Variants in CHST11 observed in about 807,000 individuals in gnomAD.
The protein encoded by CHST11 is C4S-1.
A neutral mutation model predicts 30.4 loss-of-function variants in CHST11; 9 were observed. The observed-to-expected ratio is 0.30, with a 90% confidence interval of 0.18 to 0.52. The LOEUF (loss-of-function observed/expected upper bound fraction) is 0.52, where lower values mean the gene tolerates loss of function less well. Ranked by LOEUF, CHST11 falls within the 20% of genes least tolerant of loss-of-function variation. CHST11 has a pLI of 0.97. For missense variants in CHST11, 348 were observed against 460.6 expected, an observed-to-expected ratio of 0.76 and a Z score of 2.24; for synonymous variants, 152 against 187.8, an observed-to-expected ratio of 0.81 and a Z score of 1.56.
chr12:104,463,731 T>C (rs1179533471), intron 1 of CHST11, among the ~76,000 whole-genome samples: 1 of 152,136 alleles, frequency 6.6e-6, no homozygotes, highest in Admixed American at 6.5e-5. Flanking sequence ...AATTAGGGAA[T>C]GTCATTGATA....
At chr12:104,598,871 T>C (rs1174261646) in intron 1 of CHST11, among the ~76,000 whole-genome samples, 1 of 150,524 alleles carries the variant, frequency 6.6e-6, no homozygotes, top group Non-Finnish European at 1.5e-5. Flanking sequence ...TGTATCCTCG[T>C]GGCCAGCTGG....
At chr12:104,721,975 T>C (rs908164574) in intron 2 of CHST11, among the ~76,000 whole-genome samples, 12 of 152,208 alleles carry the variant, frequency 7.9e-5, no homozygotes, top group African/African-American at 2.9e-4. Context: ...GGTTTGTTGT[T>C]GTTTGCCTGT....
chr12:104,685,344 G>A (rs1012109134), intron 2 of CHST11, among the ~76,000 whole-genome samples: 2 of 152,132 alleles, frequency 1.3e-5, no homozygotes, highest in African/African-American at 4.8e-5. Flanking sequence ...AGGTTGTTTG[G>A]TATAAGAAAC....
At chr12:104,674,718 T>G (rs2039724698) in intron 2 of CHST11, among the ~76,000 whole-genome samples, 1 of 152,236 alleles carries the variant, frequency 6.6e-6, no homozygotes, top group Non-Finnish European at 1.5e-5. Flanking sequence ...TTAGACTTTT[T>G]TTTTTCAGCC....
chr12:104,701,890 C>T (rs1202502785), intron 2 of CHST11, among the ~76,000 whole-genome samples: 1 of 152,184 alleles, frequency 6.6e-6, no homozygotes, highest in African/African-American at 2.4e-5. Flanking sequence ...GTGTTCCCCT[C>T]CTGCCAGTAT....
At chr12:104,552,174 C>T (rs957330336) in intron 1 of CHST11, 1 of 152,230 alleles carries the variant, frequency 6.6e-6, no homozygotes, top group Non-Finnish European at 1.5e-5. Context: ...GGGACCATAC[C>T]TCTACTCAGA....
intron 1 of CHST11, among the ~76,000 whole-genome samples, chr12:104,501,346 G>T (rs1312414614): frequency 1.3e-5 from 2 of 152,162 alleles, no homozygotes; most frequent in Non-Finnish European, 2.9e-5. Context: ...CTGGGATCCA[G>T]GAAGTAACAA....
chr12:104,500,838 G>A (rs2037846556), intron 1 of CHST11, among the ~76,000 whole-genome samples: 1 of 152,162 alleles, frequency 6.6e-6, no homozygotes, highest in Non-Finnish European at 1.5e-5. Context: ...TAGTGGAAAT[G>A]AACTATTGCG....
At chr12:104,576,639 C>G (rs2038686234) in intron 1 of CHST11, among the ~76,000 whole-genome samples, 1 of 152,198 alleles carries the variant, frequency 6.6e-6, no homozygotes, top group South Asian at 2.1e-4. Flanking sequence ...AGTCTCTGGT[C>G]ATTTCCAAAG....
rs1253160828 is a variant in CHST11, at chr12:104,757,916, G to A, written c.*113G>A. Reference sequence around the variant, plus strand: ...AAATTAATATTTCTTTGGGGATGATGCTGCGAGCAGCATAGTGAGAATTAT... The same window carrying A: ...AAATTAATATTTCTTTGGGGATGATACTGCGAGCAGCATAGTGAGAATTAT... On this transcript the variant is annotated 3_prime_UTR_variant, in exon 3 of 3. Coordinates refer to ENST00000303694, the MANE Select transcript of CHST11 (RefSeq NM_018413.6). The surrounding 1 kb of genome is among the most constrained non-coding windows in gnomAD (Gnocchi z 6.5). 1.8e-6 allele frequency: 2 copies of A among 1,117,602 alleles called. No homozygotes were observed. Among genetic ancestry groups the A allele is most frequent in the Non-Finnish European group, 2.5e-6 (2 of 798,156 alleles). 69.2% of individuals were successfully genotyped at this position (1,117,602 alleles called of 1,614,324 possible).
intron 2 of CHST11, among the ~76,000 whole-genome samples, chr12:104,694,411 G>A (rs1431893674): frequency 6.6e-6 from 1 of 152,150 alleles, no homozygotes; most frequent in African/African-American, 2.4e-5. Context: ...CCTGCACTGG[G>A]CGCTGCACCA....
chr12:104,556,191 A>G (rs1565985543), intron 1 of CHST11, among the ~76,000 whole-genome samples: 1 of 151,870 alleles, frequency 6.6e-6, no homozygotes, highest in African/African-American at 2.4e-5. Flanking sequence ...TATTATCTCT[A>G]ACATCTAAGA....
chr12:104,731,630 A>AGTCTT (rs1427920728), intron 2 of CHST11, among the ~76,000 whole-genome samples: 1 of 151,982 alleles, frequency 6.6e-6, no homozygotes, highest in Non-Finnish European at 1.5e-5. Flanking sequence ...GGGACCACGG[A>AGTCTT]CTCAGCCTCT....
At chr12:104,511,588 G>T (rs1397667507) in intron 1 of CHST11, among the ~76,000 whole-genome samples, 1 of 152,208 alleles carries the variant, frequency 6.6e-6, no homozygotes, top group South Asian at 2.1e-4. Context: ...GCTAGGTCAT[G>T]AAATCGTTTA....
At chr12:104,599,010 G>A (rs1331756217) in intron 1 of CHST11, among the ~76,000 whole-genome samples, 5 of 152,216 alleles carry the variant, frequency 3.3e-5, no homozygotes, top group Admixed American at 6.5e-5. Flanking sequence ...TAAGGGAGGC[G>A]CGGAGGGGTT....
intron 1 of CHST11, among the ~76,000 whole-genome samples, chr12:104,550,762 C>T (rs774781564): frequency 1.3e-5 from 2 of 152,168 alleles, no homozygotes; most frequent in East Asian, 1.9e-4. Flanking sequence ...AAAGGGACAG[C>T]GAACTCCTTC....
chr12:104,589,410 A>C (rs1346970293), intron 1 of CHST11, among the ~76,000 whole-genome samples: 1 of 151,744 alleles, frequency 6.6e-6, no homozygotes, highest in African/African-American at 2.4e-5. Flanking sequence ...CAAAAAAAAA[A>C]AAAAAAAAAT....
chr12:104,488,292 C>G (rs906813943), intron 1 of CHST11, among the ~76,000 whole-genome samples: 1 of 152,068 alleles, frequency 6.6e-6, no homozygotes, highest in South Asian at 2.1e-4. Context: ...TGAGGAGGTG[C>G]TCCACATGCA....
chr12:104,749,307 G>C lies in CHST11; in HGVS notation c.205-7642G>C, dbSNP rs186782353. ...TTCTCTTTTCTGATAACTAGAGCAA[G>C]AAGATTTAATCATATTTCCCCTTTT... On this transcript the variant is annotated intron_variant, in intron 2 of 2. Transcript: ENST00000303694. Among the ~76,000 whole-genome samples the C allele has an allele frequency of 1.4e-3, 214 of 152,326 alleles. 1 individual carries two copies. Among genetic ancestry groups the C allele is most frequent in the African/African-American group, 4.8e-3 (200 of 41,558 alleles).
Sources: allele counts gnomAD v4.1 joint callset (sites outside exome capture counted in the v4.1 genomes callset), GRCh38; gene constraint gnomAD v4.1.1; non-coding constraint Gnocchi (gnomAD v3.1); transcripts MANE v1.5; gene names NCBI Gene and HGNC (gene_info 2026-07-23, HGNC 2026-07-21).